EDA2R: variants seen among roughly 807,000 people sequenced by gnomAD.
The protein encoded by EDA2R is ectodysplasin A2 receptor, also known as tumor necrosis factor receptor superfamily member 27.
Under a neutral mutation model 20.1 loss-of-function variants are expected in EDA2R, and 26 were observed. That is an observed-to-expected ratio of 1.30 (90% CI 0.95 to 1.80). The LOEUF (loss-of-function observed/expected upper bound fraction) is 1.80. EDA2R is among the 40% of genes most tolerant of loss of function. EDA2R has a pLI of 0.00. For missense variants in EDA2R, 277 were observed against 228.7 expected (o/e 1.21, Z -1.36); for synonymous variants, 114 against 88.7 (o/e 1.29, Z -1.60).
At chrX:66,602,591 C>T in intron 5 of EDA2R, 42 bp downstream of exon 5, 1 of 1,153,469 alleles carries the variant, frequency 8.7e-7, no homozygotes. Context: ...CAATAAGAGC[C>T]TTGTTCCTGA....
chrX:66,602,945 G>A (rs1021881823), intron 4 of EDA2R, 148 bp from the exon 5 acceptor site: 1 of 490,100 alleles, frequency 2.0e-6, no homozygotes, highest in African/African-American at 2.5e-5. Flanking sequence ...TCTTTCTAGA[G>A]CAGGCAAAAT....
In EDA2R at chrX:66,604,509, G is replaced by C; in HGVS notation, c.267-3C>G. The C allele has an allele frequency of 1.7e-6, 2 of 1,204,211 alleles. No individual in the cohort carries two copies. Among genetic ancestry groups the C allele is most frequent in the Non-Finnish European group, 2.2e-6 (2 of 890,640 alleles). On this transcript the variant is annotated splice_region_variant and splice_polypyrimidine_tract_variant and intron_variant, in intron 3 of 6. Transcript: ENST00000374719. ...CAATGCGTGTCTTTCGGTAGAACCT[G>C]TGTTCAGAGCAATTAGGAATGGCAG...
At chrX:66,627,766 T>G (rs1333354137) in intron 1 of EDA2R, among the ~76,000 whole-genome samples, 1 of 111,906 alleles carries the variant, frequency 8.9e-6, no homozygotes, top group Non-Finnish European at 1.9e-5. Flanking sequence ...CTGACAGCAC[T>G]AGACAGGTCA....
chrX:66,633,736 G>A (rs1934066928), intron 1 of EDA2R, among the ~76,000 whole-genome samples: 1 of 111,345 alleles, frequency 9.0e-6, no homozygotes, highest in Non-Finnish European at 1.9e-5. Flanking sequence ...ATAAAATTAC[G>A]GTATAATAAA....
intron 1 of EDA2R, among the ~76,000 whole-genome samples, chrX:66,638,188 A>C (rs1015639967): frequency 8.9e-6 from 1 of 111,747 alleles, no homozygotes; most frequent in Admixed American, 9.5e-5. Flanking sequence ...TGTCTCACAC[A>C]TGGTGGCACA....
intron 1 of EDA2R, among the ~76,000 whole-genome samples, chrX:66,620,965 C>A (rs867600964): frequency 1.8e-5 from 1 of 55,309 alleles, no homozygotes; most frequent in Non-Finnish European, 3.5e-5. Context: ...TATCCACTAC[C>A]AAAAAAAAAA....
At chrX:66,613,161 T>C (rs768679494) in intron 2 of EDA2R, among the ~76,000 whole-genome samples, 3 of 111,809 alleles carry the variant, frequency 2.7e-5, no homozygotes, top group Non-Finnish European at 5.7e-5. Context: ...ATACATGTCA[T>C]CAAATTAATA....
At chrX:66,604,344 T>G in intron 4 of EDA2R, 77 bp downstream of exon 4, 1 of 878,210 alleles carries the variant, frequency 1.1e-6, no homozygotes, top group East Asian at 3.2e-5. Flanking sequence ...TGAGGGGATA[T>G]GGGTAGTCTT....
At chrX:66,625,784 G>A (rs190535909) in intron 1 of EDA2R, among the ~76,000 whole-genome samples, 13 of 112,094 alleles carry the variant, frequency 1.2e-4, no homozygotes, top group South Asian at 1.1e-3. Context: ...CACCTCCACC[G>A]GAACAGGTGC....
chrX:66,598,498 C>T (rs1393908594), intron 6 of EDA2R, among the ~76,000 whole-genome samples: 5 of 111,409 alleles, frequency 4.5e-5, no homozygotes, highest in African/African-American at 1.3e-4. Flanking sequence ...ATTGTGTATA[C>T]TGTAATATAC....
chrX:66,610,800 G>C (rs1189849487), intron 2 of EDA2R, among the ~76,000 whole-genome samples: 2 of 111,070 alleles, frequency 1.8e-5, no homozygotes, highest in Non-Finnish European at 3.8e-5. Context: ...CAAATTGTTG[G>C]CCTGAGAAGC....
chrX:66,610,272 A>C (rs74519257), intron 2 of EDA2R, among the ~76,000 whole-genome samples: 4 of 87,465 alleles, frequency 4.6e-5, no homozygotes, highest in South Asian at 6.8e-4. Flanking sequence ...CAGATACACA[A>C]ACACACACAC....
intron 1 of EDA2R, among the ~76,000 whole-genome samples, chrX:66,637,704 T>A (rs1934481232): frequency 1.8e-5 from 2 of 112,635 alleles, no homozygotes; most frequent in Admixed American, 9.4e-5. Context: ...CCACAGTCTA[T>A]CTTAAATAAT....
chrX:66,614,565 C>A (rs1039176060), intron 2 of EDA2R, among the ~76,000 whole-genome samples: 4 of 112,046 alleles, frequency 3.6e-5, no homozygotes, highest in African/African-American at 1.3e-4. Flanking sequence ...TTACCTCTGG[C>A]GATCTTTCCT....
Position 66,597,947 on chromosome X carries a change from A to G in EDA2R, c.*157T>C. On this transcript the variant is annotated 3_prime_UTR_variant, in exon 7 of 7. Coordinates refer to ENST00000374719, the MANE Select transcript of EDA2R (RefSeq NM_021783.5). ...TCAGTCCTTGTGAAATGGAGAATCA[A>G]TCCTCTGGTGGGATGGGATAGGATA... The G allele has an allele frequency of 1.4e-6, 1 of 738,598 alleles. No homozygotes were observed. The highest frequency in any genetic ancestry group is 9.2e-5 in the East Asian group (1 of 10,872). The allele number at this position is 738,598 out of a possible 1,213,427, so 60.9% of individuals were successfully genotyped here.
At chrX:66,615,754 G>A (rs764190266) in intron 2 of EDA2R, among the ~76,000 whole-genome samples, 180 bp downstream of exon 2, 1 of 111,601 alleles carries the variant, frequency 9.0e-6, no homozygotes, top group East Asian at 2.8e-4. Context: ...CCTTGATCCT[G>A]CTAGGCTGAC....
At chrX:66,600,148 G>T in intron 5 of EDA2R, 1 of 953,338 alleles carries the variant, frequency 1.0e-6, no homozygotes, top group Non-Finnish European at 1.4e-6. Flanking sequence ...CATCTCCCTT[G>T]CCATAATCTT....
chrX:66,636,159 C>G (rs1234457142), intron 1 of EDA2R, among the ~76,000 whole-genome samples: 1 of 111,559 alleles, frequency 9.0e-6, no homozygotes, highest in Non-Finnish European at 1.9e-5. Flanking sequence ...CCTATGCCTC[C>G]TAAAGTGCTG....
rs181233582 is a variant in EDA2R, at chrX:66,629,693, C to T, written c.-11+9302G>A. ...CAACAGTGCTGAAAGAAATCATAGA[C>T]GATACAAACAAATGGAAACATCCCA... On this transcript the variant is annotated intron_variant, in intron 1 of 6. Coordinates refer to ENST00000374719, the MANE Select transcript of EDA2R (RefSeq NM_021783.5). Among the ~76,000 whole-genome samples, 467 of 111,467 alleles carry T rather than the reference C, an allele frequency of 4.2e-3. 4 individuals are homozygous for T. Among genetic ancestry groups the T allele is most frequent in the Middle Eastern group, 0.023 (5 of 217 alleles).
Sources: allele counts gnomAD v4.1 joint callset (sites outside exome capture counted in the v4.1 genomes callset), GRCh38; gene constraint gnomAD v4.1.1; transcripts MANE v1.5; gene names NCBI Gene and HGNC (gene_info 2026-07-23, HGNC 2026-07-21).